Variants in ANKS1B observed in about 807,000 individuals in gnomAD.
ANKS1B encodes ankyrin repeat and sterile alpha motif domain containing 1B.
A neutral mutation model predicts 148.3 loss-of-function variants in ANKS1B; 36 were observed. The ratio of observed to expected loss-of-function variants is 0.24; its 90% CI spans 0.19 to 0.32. The LOEUF is 0.32. Among genes scored for constraint, ANKS1B ranks in the 10% least tolerant of loss-of-function variants. The pLI, the probability that ANKS1B is intolerant of heterozygous loss-of-function variation, is 1.00. For missense variants in ANKS1B, 1,157 were observed against 1,542.6 expected (o/e 0.75, Z 4.19); for synonymous variants, 542 against 560.8 (o/e 0.97, Z 0.47).
chr12:99,714,543 T>C (rs1600396687), intron 8 of ANKS1B, among the ~76,000 whole-genome samples: 3 of 152,184 alleles, frequency 2.0e-5, no homozygotes, highest in African/African-American at 7.2e-5. Context: ...AGTTTTTTAT[T>C]ATTATTATAT....
chr12:98,756,924 T>C (rs1445936774), intron 25 of ANKS1B, among the ~76,000 whole-genome samples: 1 of 151,836 alleles, frequency 6.6e-6, no homozygotes, highest in African/African-American at 2.4e-5. Flanking sequence ...AGACAAGATT[T>C]CACCATGTTG....
intron 12 of ANKS1B, among the ~76,000 whole-genome samples, chr12:99,321,516 A>G (rs1482473855): frequency 6.6e-6 from 1 of 152,232 alleles, no homozygotes; most frequent in African/African-American, 2.4e-5. Flanking sequence ...AGTGCCGGAT[A>G]TAATCTACTG....
intron 1 of ANKS1B, among the ~76,000 whole-genome samples, chr12:99,937,362 T>C (rs2094805134): frequency 6.6e-6 from 1 of 152,206 alleles, no homozygotes; most frequent in Non-Finnish European, 1.5e-5. Context: ...ATGTCAATTC[T>C]ACAGCTACAT....
chr12:99,545,591 G>A (rs1284828869), intron 9 of ANKS1B, among the ~76,000 whole-genome samples: 1 of 151,852 alleles, frequency 6.6e-6, no homozygotes, highest in Non-Finnish European at 1.5e-5. Flanking sequence ...ACTAGAGTTT[G>A]ATTAGCTTCG....
intron 9 of ANKS1B, among the ~76,000 whole-genome samples, chr12:99,566,274 C>T (rs2097392915): frequency 6.6e-6 from 1 of 152,192 alleles, no homozygotes; most frequent in Admixed American, 6.5e-5. Context: ...AACTTCAATA[C>T]TTTGCTTGAA....
chr12:99,739,354 G>GTTTTTTTTTTTT (rs2059891252), intron 8 of ANKS1B, among the ~76,000 whole-genome samples: 1 of 112,618 alleles, frequency 8.9e-6, no homozygotes, highest in Non-Finnish European at 1.8e-5. Flanking sequence ...GGGGGGGCGG[G>GTTTTTTTTTTTT]GCCAAAAAAA....
At chr12:99,591,131 G>A (rs545444478) in intron 9 of ANKS1B, among the ~76,000 whole-genome samples, 31 of 151,670 alleles carry the variant, frequency 2.0e-4, no homozygotes, top group Admixed American at 7.9e-4. Flanking sequence ...AATTATAGTC[G>A]AGAATACTGA....
At chr12:98,885,008 T>C (rs12297743) in intron 17 of ANKS1B, among the ~76,000 whole-genome samples, 8,248 of 152,142 alleles carry the variant, frequency 0.054, 346 homozygotes, top group East Asian at 0.12. Flanking sequence ...AATCTGTTCA[T>C]CATCCACTCA....
intron 1 of ANKS1B, among the ~76,000 whole-genome samples, chr12:99,973,840 C>T (rs1381103368): frequency 6.6e-6 from 1 of 152,082 alleles, no homozygotes; most frequent in Non-Finnish European, 1.5e-5. Flanking sequence ...AGTGGTTTCA[C>T]GAGTGGAATC....
intron 8 of ANKS1B, among the ~76,000 whole-genome samples, chr12:99,762,077 G>T (rs1007169458): frequency 5.3e-5 from 8 of 152,014 alleles, no homozygotes; most frequent in Non-Finnish European, 1.2e-4. Flanking sequence ...AACATGCCAT[G>T]TTCATGGGCT....
At chr12:99,924,757 T>C (rs1361463162) in intron 1 of ANKS1B, among the ~76,000 whole-genome samples, 1 of 152,042 alleles carries the variant, frequency 6.6e-6, no homozygotes, top group African/African-American at 2.4e-5. Flanking sequence ...ACCAGACACT[T>C]CCCAATCTCC....
At chr12:98,803,659 G>A (rs1008328646) in intron 20 of ANKS1B, among the ~76,000 whole-genome samples, 9 of 152,160 alleles carry the variant, frequency 5.9e-5, no homozygotes, top group East Asian at 1.9e-4. Flanking sequence ...GTCTGAACAC[G>A]GCATGAGCTG....
rs529026097 is a variant in ANKS1B at position 99,183,393 on chromosome 12, C to T, written c.2420-28998G>A. ...GTGCAGTGGCTCATGCCCGTAATCC[C>T]AGCACTTTGGGAGGCCAAGGCGGGC... On this transcript the variant is annotated intron_variant, in intron 14 of 26. Transcript: ENST00000683438. Among the ~76,000 whole-genome samples, 8 of 152,314 alleles carry T rather than the reference C, an allele frequency of 5.3e-5. No homozygotes were observed. In the South Asian group the frequency reaches 1.7e-3, roughly 32 times the overall value.
chr12:99,331,790 A>C (rs1357336661), intron 12 of ANKS1B, among the ~76,000 whole-genome samples: 1 of 152,066 alleles, frequency 6.6e-6, no homozygotes, highest in Non-Finnish European at 1.5e-5. Context: ...AAATTTATGG[A>C]AAGCAGACAG....
intron 24 of ANKS1B, among the ~76,000 whole-genome samples, chr12:98,775,195 T>C (rs1443121799): frequency 6.6e-6 from 1 of 152,162 alleles, no homozygotes; most frequent in Non-Finnish European, 1.5e-5. Flanking sequence ...GCATTTTGTG[T>C]TCTTGAGATC....
intron 9 of ANKS1B, among the ~76,000 whole-genome samples, chr12:99,558,948 C>A (rs2097305214): frequency 6.6e-6 from 1 of 152,116 alleles, no homozygotes; most frequent in African/African-American, 2.4e-5. Flanking sequence ...GTGGGGTGTC[C>A]TGCTGCTAGG....
At chr12:98,840,308 C>T (rs146833376) in intron 17 of ANKS1B, among the ~76,000 whole-genome samples, 1 of 152,238 alleles carries the variant, frequency 6.6e-6, no homozygotes, top group East Asian at 1.9e-4. Flanking sequence ...AAAAAAATCC[C>T]TCTGACTACA....
chr12:99,983,933 A>G (rs989278392), intron 1 of ANKS1B, among the ~76,000 whole-genome samples, 171 bp downstream of exon 1: 1 of 152,202 alleles, frequency 6.6e-6, no homozygotes, highest in African/African-American at 2.4e-5. Context: ...TAAGGCATCA[A>G]TCTGACTGGG....
chr12:98,968,146 C>T (rs546682501), intron 17 of ANKS1B, among the ~76,000 whole-genome samples: 4 of 152,250 alleles, frequency 2.6e-5, no homozygotes, highest in South Asian at 2.1e-4. Flanking sequence ...ATGAGTATCT[C>T]TGGGGCTGGG....
Sources: gnomAD v4.1 joint callset for allele counts (sites outside exome capture counted in the v4.1 genomes callset) on GRCh38, gnomAD v4.1.1 for gene constraint, MANE v1.5 for transcripts, NCBI Gene and HGNC (gene_info 2026-07-23, HGNC 2026-07-21) for gene names.